The following SLC71A2 variants were observed in gnomAD, a reference collection of about 807,000 sequenced individuals.
SLC71A2 encodes the protein hippocampus abundant transcript-like 1.
At chr9:94,424,919 A>T in the SLC71A2 span, among the ~76,000 whole-genome samples, 9,454 of 126,100 alleles carry the variant, frequency 0.075, 409 homozygotes, top group Non-Finnish European at 0.11. Flanking sequence ...TTTTTTTTTT[A>T]AATAATAAAT....
chr9:94,430,625 G>A, the SLC71A2 span, among the ~76,000 whole-genome samples: 2 of 152,150 alleles, frequency 1.3e-5, no homozygotes, highest in African/African-American at 4.8e-5. Flanking sequence ...TACCTGTGAT[G>A]TTAACATTGT....
chr9:94,389,271 GT>G, the SLC71A2 span, among the ~76,000 whole-genome samples: 35 of 144,014 alleles, frequency 2.4e-4, no homozygotes, highest in East Asian at 4.1e-4. Context: ...CTTAATTCTG[GT>G]TTTTTTTTTT....
the SLC71A2 span, among the ~76,000 whole-genome samples, chr9:94,435,650 CTTTTTTTTTTTT>C: frequency 3.3e-4 from 16 of 48,416 alleles, no homozygotes; most frequent in African/African-American, 1.2e-3. Context: ...TTTCCTTCTT[CTTTTTTTTTTTT>C]TTTTTTTTTG....
At chr9:94,439,022 GTTT>G in the SLC71A2 span, among the ~76,000 whole-genome samples, 12 of 115,676 alleles carry the variant, frequency 1.0e-4, no homozygotes, top group Non-Finnish European at 1.6e-4. Flanking sequence ...ATTTGAGTTC[GTTT>G]TTTTTTTTTT....
chr9:94,459,258 G>A, the SLC71A2 span: 5 of 1,614,166 alleles, frequency 3.1e-6, no homozygotes, highest in Non-Finnish European at 4.2e-6. Context: ...AGTAAAGCCA[G>A]TGGAGTTCAA....
the SLC71A2 span, among the ~76,000 whole-genome samples, chr9:94,396,601 G>GT: frequency 2.6e-5 from 4 of 152,002 alleles, no homozygotes; most frequent in Admixed American, 6.6e-5. Flanking sequence ...ATGTTGTAGG[G>GT]TTTTTTTGGC....
chr9:94,401,862 A>G, the SLC71A2 span, among the ~76,000 whole-genome samples: 80 of 152,352 alleles, frequency 5.3e-4, no homozygotes, highest in African/African-American at 1.9e-3. Context: ...CTCCATAGAC[A>G]GAGCAGCCCT....
chr9:94,386,867 C>G, the SLC71A2 span, among the ~76,000 whole-genome samples: 5 of 152,044 alleles, frequency 3.3e-5, no homozygotes, highest in Non-Finnish European at 5.9e-5. Flanking sequence ...TTTTTTTCCA[C>G]TTTGTTAAAG....
the SLC71A2 span, among the ~76,000 whole-genome samples, chr9:94,452,030 G>A: frequency 6.6e-6 from 1 of 152,150 alleles, no homozygotes. Context: ...TCTCAGAAAA[G>A]ATGATTTAGG....
the SLC71A2 span, among the ~76,000 whole-genome samples, chr9:94,420,683 G>A: frequency 3.3e-5 from 5 of 151,126 alleles, no homozygotes; most frequent in East Asian, 1.9e-4. Flanking sequence ...GGCAGATCAC[G>A]AGGTCAGGAG....
the SLC71A2 span, among the ~76,000 whole-genome samples, chr9:94,447,590 A>G: frequency 6.6e-6 from 1 of 151,722 alleles, no homozygotes; most frequent in Non-Finnish European, 1.5e-5. Flanking sequence ...CTATCCCCAT[A>G]CATGCATAGC....
the SLC71A2 span, among the ~76,000 whole-genome samples, chr9:94,446,407 GTGAAT>G: frequency 6.6e-6 from 1 of 152,200 alleles, no homozygotes; most frequent in East Asian, 1.9e-4. Flanking sequence ...GAAGAATAGA[GTGAAT>G]TTACCTATAC....
At chr9:94,400,918 G>C in the SLC71A2 span, among the ~76,000 whole-genome samples, 1 of 152,096 alleles carries the variant, frequency 6.6e-6, no homozygotes, top group Admixed American at 6.6e-5. Flanking sequence ...ACTATCTATA[G>C]TTTTGCTTTT....
chr9:94,376,352 A>T, the SLC71A2 span, among the ~76,000 whole-genome samples: 5 of 151,548 alleles, frequency 3.3e-5, no homozygotes, highest in Non-Finnish European at 5.9e-5. Flanking sequence ...ATGCATTCTT[A>T]TGCTCAGAAT....
At chr9:94,444,328 G>A in the SLC71A2 span, among the ~76,000 whole-genome samples, 2 of 152,204 alleles carry the variant, frequency 1.3e-5, no homozygotes, top group African/African-American at 4.8e-5. Context: ...AGGGTCAGGT[G>A]GTGACAGAGA....
At chr9:94,443,614 G>C in the SLC71A2 span, among the ~76,000 whole-genome samples, 1 of 152,016 alleles carries the variant, frequency 6.6e-6, no homozygotes, top group African/African-American at 2.4e-5. Flanking sequence ...TTAAGTGAAA[G>C]AGGAGTTTAG....
the SLC71A2 span, among the ~76,000 whole-genome samples, chr9:94,455,167 TTTTTTTTTTTTTTTGA>T: frequency 2.0e-5 from 2 of 99,154 alleles, no homozygotes; most frequent in African/African-American, 1.0e-4. Flanking sequence ...TTTTTTTTTT[TTTTTTTTTTTTTTTGA>T]GAGAGAGAGG....
the SLC71A2 span, among the ~76,000 whole-genome samples, chr9:94,405,351 C>T: frequency 6.6e-6 from 1 of 151,900 alleles, no homozygotes; most frequent in Non-Finnish European, 1.5e-5. Context: ...AAAAATTAGC[C>T]GGGCATGGTG....
chr9:94,438,558 T>G, the SLC71A2 span: 1 of 1,602,752 alleles, frequency 6.2e-7, no homozygotes. Context: ...ACCTCCTGAC[T>G]GCTTGTTTTG....
Sources: gnomAD v4.1 joint callset for allele counts (sites outside exome capture counted in the v4.1 genomes callset) on GRCh38, gnomAD v4.1.1 for gene constraint, MANE v1.5 for transcripts, NCBI Gene and HGNC (gene_info 2026-07-23, HGNC 2026-07-21) for gene names.